The following CABIN1 variants were observed in gnomAD, a reference collection of about 807,000 sequenced individuals.
The protein encoded by CABIN1 is calcineurin binding protein 1.
Under a neutral mutation model 227.7 loss-of-function variants are expected in CABIN1, and 133 were observed. The ratio of observed to expected loss-of-function variants is 0.58; its 90% CI spans 0.51 to 0.67. The LOEUF is 0.67. Ranked by LOEUF, CABIN1 falls within the 30% of genes least tolerant of loss-of-function variation. The probability of loss-of-function intolerance (pLI) is 0.00; values close to 1 mark genes in which losing one functional copy is unlikely to be tolerated. For synonymous variants in CABIN1, 1,086 were observed against 1,155.1 expected, an observed-to-expected ratio of 0.94 and a Z score of 1.21; for missense variants, 2,408 against 2,852.5, an observed-to-expected ratio of 0.84 and a Z score of 3.55.
chr22:24,061,906 T>C (rs2039220877), intron 12 of CABIN1, 41 bp from the exon 13 acceptor site: 1 of 1,475,008 alleles, frequency 6.8e-7, no homozygotes, highest in African/African-American at 1.4e-5. Context: ...GTGAAGAGGC[T>C]TTGTGATACT....
rs376245532 is a variant in CABIN1, at chr22:24,177,792, C to T, written c.6494C>T (p.Ser2165Leu). The T allele has an allele frequency of 1.6e-5, 26 of 1,608,212 alleles. No individual in the cohort carries two copies. The highest frequency in any genetic ancestry group is 2.2e-5 in the South Asian group (2 of 90,578). ...PTLLSPKGSI[S>L]EETKQKLKSA... ...CTGCTCTCCCCCAAAGGCAGCATCT[C>T]GGAGGAGACCAAGCAGAAGCTGAAG... The change falls in exon 36 of 37, where the codon TCG becomes TTG. Residue 2165 changes from serine (S) to leucine (L), a missense_variant. Ser to Leu is a moderately radical substitution (Grantham distance 145). This residue lies in a region of CABIN1 where 714 missense variants were observed against 773.8 expected (regional missense o/e 0.92). Coordinates refer to ENST00000263119, the MANE Select transcript of CABIN1 (RefSeq NM_012295.4). The surrounding 1 kb of genome is among the most constrained non-coding windows in gnomAD (Gnocchi z 4.4).
intron 26 of CABIN1, among the ~76,000 whole-genome samples, chr22:24,112,136 G>A (rs1163436727): frequency 1.3e-5 from 2 of 152,158 alleles, no homozygotes; most frequent in Admixed American, 1.3e-4. Context: ...GTCTCTTGAC[G>A]ATGTACTTTT....
At chr22:24,094,613 C>A (rs893846371) in intron 24 of CABIN1, among the ~76,000 whole-genome samples, 7 of 150,848 alleles carry the variant, frequency 4.6e-5, no homozygotes, top group Non-Finnish European at 8.9e-5. Flanking sequence ...GTCAGGAGAT[C>A]GAGACCATCC....
At chr22:24,144,618 A>G (rs990717895) in intron 29 of CABIN1, among the ~76,000 whole-genome samples, 3 of 152,228 alleles carry the variant, frequency 2.0e-5, no homozygotes, top group African/African-American at 7.2e-5. Flanking sequence ...ACTGGCCCCA[A>G]TTTGTAGAAA....
intron 31 of CABIN1, among the ~76,000 whole-genome samples, 183 bp from the exon 32 acceptor site, chr22:24,166,456 C>T (rs907121731): frequency 1.2e-4 from 19 of 152,236 alleles, no homozygotes; most frequent in African/African-American, 4.1e-4. Context: ...CTTTCTCAGG[C>T]AGGTCTCTGG....
In CABIN1 at chr22:24,166,091, G is replaced by A. The variant is rs570090262; in HGVS notation, c.5007+465G>A. Among the ~76,000 whole-genome samples the A allele has an allele frequency of 1.2e-4, 18 of 152,330 alleles. 1 individual carries two copies. The highest frequency in any genetic ancestry group is 2.6e-4 in the Admixed American group (4 of 15,306). On this transcript the variant is annotated intron_variant, in intron 31 of 36. Coordinates refer to ENST00000263119, the MANE Select transcript of CABIN1 (RefSeq NM_012295.4). ...GTGGGGCTGTTGGGAGTTGAGCCAG[G>A]ACTGCCTCCAAAGCTTATGCCTGGT...
chr22:24,113,574 C>T lies in CABIN1; in HGVS notation c.4126C>T (p.Gln1376Ter). The part of the protein sequence containing the change: ...HQQATPDDRS[Q>*]DSTAVALSDS... Reference sequence around the variant, plus strand: ...CCTCCTTCTCCCCTCAGACCGAAGCCAGGACAGCACAGCCGTAGCACTCTC... The same window carrying T: ...CCTCCTTCTCCCCTCAGACCGAAGCTAGGACAGCACAGCCGTAGCACTCTC... The change falls in exon 27 of 37, where the codon CAG becomes TAG. Residue 1376 changes from glutamine to a stop codon, truncating the protein, a stop_gained. Transcript: ENST00000263119. LOFTEE classifies it high-confidence loss of function. 3 of 1,614,140 alleles carry T rather than the reference C, an allele frequency of 1.9e-6. No individual in the cohort carries two copies. Among genetic ancestry groups the T allele is most frequent in the Non-Finnish European group, 2.5e-6 (3 of 1,180,030 alleles).
chr22:24,091,462 T>C, intron 23 of CABIN1, 121 bp from the exon 24 acceptor site: 1 of 1,226,436 alleles, frequency 8.2e-7, no homozygotes, highest in South Asian at 1.2e-5. Flanking sequence ...CATTTCTGTG[T>C]CTTGGTTGTT....
At chr22:24,115,144 CAAGT>C (rs1353138055) in intron 27 of CABIN1, among the ~76,000 whole-genome samples, 1 of 152,208 alleles carries the variant, frequency 6.6e-6, no homozygotes, top group Non-Finnish European at 1.5e-5. Context: ...ACTTATCAGA[CAAGT>C]AAGACCTACC....
chr22:24,087,597 AG>A lies in CABIN1; in HGVS notation c.3410del (p.Ser1137ThrfsTer25). On this transcript the variant is annotated frameshift_variant, in exon 23 of 37. Transcript: ENST00000263119. LOFTEE classifies it high-confidence loss of function. ...NCFRRALEID[S>X]SNLSLWIEYG... ...CTTCCGTCGGGCCCTGGAGATTGAC[AG>A]CTCCAACTTGTCCCTATGGATTGAG... The A allele has an allele frequency of 6.2e-7, 1 of 1,614,180 alleles. No individual in the cohort carries two copies. The highest frequency in any genetic ancestry group is 8.5e-7 in the Non-Finnish European group (1 of 1,180,036).
intron 29 of CABIN1, among the ~76,000 whole-genome samples, chr22:24,148,950 T>C (rs974356369): frequency 1.3e-5 from 2 of 152,226 alleles, no homozygotes; most frequent in Non-Finnish European, 2.9e-5. Flanking sequence ...ATTTGCCCTC[T>C]TTCCCTTTCT....
rs753100164 is a variant in CABIN1 at position 24,038,459 on chromosome 22, G to A, written c.208G>A (p.Glu70Lys). Residue 70 changes from glutamate to lysine, a missense_variant and splice_region_variant, in exon 4 of 37, where the codon GAG becomes AAG. Around this residue, in one of 3 missense-constraint regions of CABIN1, gnomAD observed 1,045 missense variants for 1,168.4 expected, o/e 0.89. Coordinates refer to ENST00000263119, the MANE Select transcript of CABIN1 (RefSeq NM_012295.4). ...GCTCTTGGAGGCGAGCCTGCTGCGG[G>A]AGGTGAGGCATCAGCAGGCCAGGCA... is the stretch of plus-strand genomic sequence containing the variant. ...HELLEASLLR[E>K]AVSSGDEKEG... The A allele has an allele frequency of 3.1e-6, 5 of 1,610,408 alleles. No homozygotes were observed. The highest frequency in any genetic ancestry group is 4.2e-6 in the Non-Finnish European group (5 of 1,177,428).
intron 29 of CABIN1, chr22:24,156,451 A>T (rs1260000417): frequency 1.0e-5 from 2 of 200,638 alleles, no homozygotes; most frequent in Non-Finnish European, 2.0e-5. Context: ...ATCCAGCCCT[A>T]CCAAGCCCCG....
At chr22:24,035,952 C>A in intron 2 of CABIN1, 137 bp from the exon 3 acceptor site, 1 of 597,412 alleles carries the variant, frequency 1.7e-6, no homozygotes, top group Non-Finnish European at 3.1e-6. Flanking sequence ...GTTCATTCCC[C>A]ACATCTGAGA....
At chr22:24,152,959 C>G (rs1255177492) in intron 29 of CABIN1, among the ~76,000 whole-genome samples, 1 of 151,972 alleles carries the variant, frequency 6.6e-6, no homozygotes, top group Non-Finnish European at 1.5e-5. Context: ...AGAAAGGAGC[C>G]AGGAGAAATC....
chr22:24,011,404 G>C (rs796614720), intron 1 of CABIN1, 37 bp downstream of exon 1: 72 of 153,064 alleles, frequency 4.7e-4, no homozygotes, highest in African/African-American at 1.6e-3. Context: ...GGCGGTGCCG[G>C]GGTGGGGGTG....
chr22:24,121,734 G>A lies in CABIN1; in HGVS notation c.4632+2036G>A, dbSNP rs532831169. On this transcript the variant is annotated intron_variant, in intron 28 of 36. Coordinates refer to ENST00000263119, the MANE Select transcript of CABIN1 (RefSeq NM_012295.4). ...GGGAGCAGCAGAGCCCACTGCAAGA[G>A]CCCACACACACATCAGTGGAACGGA... is the stretch of plus-strand genomic sequence containing the variant. 7.2e-5 allele frequency among the ~76,000 whole-genome samples: 11 copies of A among 152,340 alleles called. No homozygotes were observed. The South Asian group carries it at 1.9e-3, about 26-fold the overall frequency.
chr22:24,054,531 TGAG>T (rs755377250), intron 8 of CABIN1, among the ~76,000 whole-genome samples: 13 of 152,170 alleles, frequency 8.5e-5, no homozygotes, highest in Non-Finnish European at 1.6e-4. Context: ...TTGACCTTCC[TGAG>T]GAGGAGTTTT....
intron 33 of CABIN1, among the ~76,000 whole-genome samples, chr22:24,171,214 A>G (rs1314035205): frequency 6.6e-6 from 1 of 152,166 alleles, no homozygotes; most frequent in East Asian, 1.9e-4. Context: ...GCAGTAGGTC[A>G]CAGTGGGTTG....
Sources: gnomAD v4.1 joint callset for allele counts (sites outside exome capture counted in the v4.1 genomes callset) on GRCh38, gnomAD v4.1.1 for gene constraint, gnomAD v4.1.1 regional missense constraint, Gnocchi (gnomAD v3.1) non-coding constraint, MANE v1.5 for transcripts, NCBI Gene and HGNC (gene_info 2026-07-23, HGNC 2026-07-21) for gene names.